SLC30A9: variants seen among roughly 807,000 people sequenced by gnomAD.
SLC30A9 encodes proton-coupled zinc antiporter SLC30A9, mitochondrial.
Under a neutral mutation model 87.5 loss-of-function variants are expected in SLC30A9, and 58 were observed. The observed-to-expected ratio is 0.66, with a 90% CI of 0.54 to 0.82. SLC30A9 has a LOEUF of 0.82. Ranked by LOEUF, SLC30A9 falls within the 40% of genes least tolerant of loss-of-function variation. The pLI, the probability that SLC30A9 is intolerant of heterozygous loss-of-function variation, is 0.00. For missense variants in SLC30A9, 557 were observed against 679.1 expected, an observed-to-expected ratio of 0.82 and a Z score of 2.00; for synonymous variants, 234 against 233.0, an observed-to-expected ratio of 1.00 and a Z score of -0.04.
intron 9 of SLC30A9, among the ~76,000 whole-genome samples, chr4:42,058,565 C>A (rs1717719867): frequency 6.6e-6 from 1 of 152,188 alleles, no homozygotes; most frequent in Admixed American, 6.6e-5. Flanking sequence ...TGTTTTCATG[C>A]TGCTGATAAA....
chr4:42,014,565 A>G (rs1028063032), intron 2 of SLC30A9, among the ~76,000 whole-genome samples: 40 of 152,014 alleles, frequency 2.6e-4, no homozygotes, highest in African/African-American at 9.6e-4. Context: ...CAAAAAAAAA[A>G]AAAAGGAAAT....
chr4:42,013,944 A>T (rs957389366), intron 2 of SLC30A9, among the ~76,000 whole-genome samples: 1 of 152,230 alleles, frequency 6.6e-6, no homozygotes, highest in African/African-American at 2.4e-5. Context: ...CAGTCAACAA[A>T]ATGAAGAGAC....
intron 17 of SLC30A9, among the ~76,000 whole-genome samples, chr4:42,084,839 G>A (rs146490888): frequency 1.6e-4 from 25 of 152,186 alleles, no homozygotes; most frequent in Non-Finnish European, 3.5e-4. Context: ...TGTGGTAGCC[G>A]AGTGTTGTAA....
rs772621304 is a variant in SLC30A9, at chr4:42,070,628, G to T, written c.1355G>T (p.Arg452Leu). Reference sequence around the variant, plus strand: ...ACTAACACAGAAGCACTCTTAGGGCGGTCCATCCAGCCAGAACAAGTACAA... The same window carrying T: ...ACTAACACAGAAGCACTCTTAGGGCTGTCCATCCAGCCAGAACAAGTACAA... Reference protein sequence around the residue: ...IYTNTEALLGRSIQPEQVQRL... With the variant: ...IYTNTEALLGLSIQPEQVQRL... Residue 452 changes from arginine to leucine, a missense_variant, in exon 15 of 18, where the codon CGG (arginine) becomes CTG (leucine). Physicochemically the swap from Arg to Leu is moderately radical, Grantham distance 102. Around this residue, in one of 2 missense-constraint regions of SLC30A9, gnomAD observed 90 missense variants for 149.4 expected, o/e 0.60. Coordinates refer to ENST00000264451, the MANE Select transcript of SLC30A9 (RefSeq NM_006345.4). 4 of 1,613,726 alleles carry T rather than the reference G, an allele frequency of 2.5e-6. No homozygotes were observed. The highest frequency in any genetic ancestry group is 1.1e-5 in the South Asian group (1 of 91,058).
At chr4:42,023,033 C>G (rs1398140375) in intron 5 of SLC30A9, 103 bp downstream of exon 5, 2 of 622,200 alleles carry the variant, frequency 3.2e-6, no homozygotes, top group Non-Finnish European at 5.5e-6. Flanking sequence ...TTTTTAAAAA[C>G]AATATTTTTG....
At chr4:42,030,599 T>TGGAGG (rs1716389995) in intron 6 of SLC30A9, among the ~76,000 whole-genome samples, 2 of 148,492 alleles carry the variant, frequency 1.3e-5, no homozygotes, top group South Asian at 4.2e-4. Context: ...TTTTTTTTTT[T>TGGAGG]GGGCTCTTTC....
chr4:42,025,068 C>T (rs1291722317), intron 6 of SLC30A9, among the ~76,000 whole-genome samples: 1 of 148,844 alleles, frequency 6.7e-6, no homozygotes, highest in Non-Finnish European at 1.5e-5. Flanking sequence ...AACATAATAA[C>T]CTTTTAATGC....
intron 2 of SLC30A9, among the ~76,000 whole-genome samples, chr4:42,002,464 G>A (rs985640002): frequency 7.9e-5 from 12 of 151,582 alleles, no homozygotes; most frequent in African/African-American, 2.9e-4. Context: ...GCCTATTTTT[G>A]CTATCTTTAT....
At chr4:41,999,912 T>C (rs1368444643) in intron 1 of SLC30A9, among the ~76,000 whole-genome samples, 1 of 152,176 alleles carries the variant, frequency 6.6e-6, no homozygotes, top group Non-Finnish European at 1.5e-5. Context: ...AAATACATAC[T>C]GAAATATTTA....
Position 42,049,457 on chromosome 4 carries a change from C to A in SLC30A9, c.818C>A (p.Ser273Ter). The change falls in exon 9 of 18, where the codon TCA becomes TAA. Residue 273 changes from serine (S) to a stop codon, truncating the protein, a stop_gained. Transcript: ENST00000264451. LOFTEE classifies it high-confidence loss of function. ...AGTATGTTCTCAGAAGCTATACACT[C>A]ATTATCTGATACTTGTAATCAGGTG... is the stretch of plus-strand genomic sequence containing the variant. The part of the protein sequence containing the change: ...SASMFSEAIH[S>*]LSDTCNQGLL... 1 of 1,593,532 alleles carries A rather than the reference C, an allele frequency of 6.3e-7. No homozygotes were observed. The highest frequency in any genetic ancestry group is 1.1e-5 in the South Asian group (1 of 88,014).
At chr4:42,005,648 G>A (rs529810144) in intron 2 of SLC30A9, among the ~76,000 whole-genome samples, 3 of 152,254 alleles carry the variant, frequency 2.0e-5, no homozygotes, top group East Asian at 3.9e-4. Context: ...ATAGAAATCC[G>A]GGGAAAGCTG....
In SLC30A9 at chr4:42,049,423, G is replaced by C. The variant is rs781738895; in HGVS notation, c.784G>C (p.Gly262Arg). 1.2e-5 allele frequency: 20 copies of C among 1,611,348 alleles called. No individual in the cohort carries two copies. In the Admixed American group the frequency reaches 2.8e-4, roughly 23 times the overall value. ...FFKFLAWIYT[G>R]SASMFSEAIH... Reference sequence around the variant, plus strand: ...TAAATTTCTTGCCTGGATTTATACCGGTTCAGCAAGTATGTTCTCAGAAGC... The same window carrying C: ...TAAATTTCTTGCCTGGATTTATACCCGTTCAGCAAGTATGTTCTCAGAAGC... The change falls in exon 9 of 18, where the codon GGT becomes CGT. Residue 262 changes from glycine to arginine, a missense_variant. By Grantham distance (125) the Gly-to-Arg change is moderately radical. Around this residue, in one of 2 missense-constraint regions of SLC30A9, gnomAD observed 467 missense variants for 529.8 expected, o/e 0.88. Coordinates refer to ENST00000264451, the MANE Select transcript of SLC30A9 (RefSeq NM_006345.4).
chr4:42,040,242 C>T (rs907373250), intron 8 of SLC30A9, among the ~76,000 whole-genome samples: 2 of 152,160 alleles, frequency 1.3e-5, no homozygotes, highest in Non-Finnish European at 1.5e-5. Flanking sequence ...GGAGATAAGT[C>T]AACAGGGTTC....
intron 8 of SLC30A9, among the ~76,000 whole-genome samples, chr4:42,048,409 TGGA>T (rs1001991350): frequency 1.3e-5 from 2 of 152,028 alleles, no homozygotes; most frequent in Non-Finnish European, 2.9e-5. Flanking sequence ...TTATCTGAGG[TGGA>T]GGAGATGGGA....
chr4:41,993,710 T>A (rs745546884), intron 1 of SLC30A9, among the ~76,000 whole-genome samples: 51 of 152,194 alleles, frequency 3.4e-4, no homozygotes, highest in Non-Finnish European at 3.1e-4. Flanking sequence ...AAGGATTTAC[T>A]TTAAAGAAAT....
intron 2 of SLC30A9, among the ~76,000 whole-genome samples, chr4:42,012,762 C>A (rs893819458): frequency 6.6e-6 from 1 of 151,654 alleles, no homozygotes; most frequent in Non-Finnish European, 1.5e-5. Flanking sequence ...CTAAACAACC[C>A]CTCCACATTA....
At chr4:42,018,581 G>A in intron 3 of SLC30A9, 1 of 387,698 alleles carries the variant, frequency 2.6e-6, no homozygotes, top group South Asian at 3.4e-5. Flanking sequence ...GCTCTCTTCT[G>A]TATAACAAGC....
At chr4:42,040,096 G>C (rs1577702021) in intron 8 of SLC30A9, among the ~76,000 whole-genome samples, 2 of 152,308 alleles carry the variant, frequency 1.3e-5, no homozygotes, top group East Asian at 3.9e-4. Context: ...CAAGGATAGT[G>C]ACCAGGTTTC....
chr4:42,079,668 C>CA (rs1411997239), intron 17 of SLC30A9, among the ~76,000 whole-genome samples: 1 of 150,964 alleles, frequency 6.6e-6, no homozygotes, highest in Non-Finnish European at 1.5e-5. Context: ...AGTGCAGTGG[C>CA]ACGATCTCAG....
Sources: allele counts gnomAD v4.1 joint callset (sites outside exome capture counted in the v4.1 genomes callset), GRCh38; gene constraint gnomAD v4.1.1; regional missense constraint gnomAD v4.1.1; transcripts MANE v1.5; gene names NCBI Gene and HGNC (gene_info 2026-07-23, HGNC 2026-07-21).